The following MAF variants were observed in gnomAD, a reference collection of about 807,000 sequenced individuals.
MAF encodes the protein transcription factor Maf.
Under a neutral mutation model 22.0 loss-of-function variants are expected in MAF, and 10 were observed. The observed-to-expected ratio is 0.45, with a 90% CI of 0.28 to 0.77. The LOEUF (loss-of-function observed/expected upper bound fraction) is 0.77, where lower values mean the gene tolerates loss of function less well. Ranked by LOEUF, MAF falls within the 30% of genes least tolerant of loss-of-function variation. The probability of loss-of-function intolerance (pLI) is 0.12; values close to 1 mark genes in which losing one functional copy is unlikely to be tolerated. For synonymous variants in MAF, 337 were observed against 255.8 expected (o/e 1.32, Z -3.03); for missense variants, 544 against 548.4 (o/e 0.99, Z 0.08).
chr16:79,502,695 AAATATAAATATAAATATAT>A, the MAF span, among the ~76,000 whole-genome samples: 2 of 19,838 alleles, frequency 1.0e-4, 1 homozygote, highest in African/African-American at 3.3e-4. Context: ...ATATAAATAT[AAATATAAATATAAATATAT>A]ATATATATAT....
the MAF span, chr16:79,211,874 C>T: frequency 3.0e-5 from 47 of 1,590,902 alleles, no homozygotes; most frequent in Non-Finnish European, 3.9e-5. Flanking sequence ...TGGGCCCCTT[C>T]CAAATGTCCC....
At chr16:79,280,477 G>C in the MAF span, among the ~76,000 whole-genome samples, 228 of 152,316 alleles carry the variant, frequency 1.5e-3, 3 homozygotes, top group African/African-American at 5.4e-3. Context: ...CTGGGATTCT[G>C]CAACAAAACC....
At chr16:79,321,832 G>T in the MAF span, among the ~76,000 whole-genome samples, 2 of 151,714 alleles carry the variant, frequency 1.3e-5, no homozygotes, top group African/African-American at 4.8e-5. Context: ...TGGGATTACA[G>T]GTGTGAACCA....
At chr16:79,327,589 G>T in the MAF span, among the ~76,000 whole-genome samples, 2 of 152,154 alleles carry the variant, frequency 1.3e-5, no homozygotes, top group African/African-American at 4.8e-5. Context: ...ACCCAGGGTG[G>T]CCCAAAAGTA....
the MAF span, among the ~76,000 whole-genome samples, chr16:79,447,757 AAG>A: frequency 2.6e-5 from 4 of 152,016 alleles, no homozygotes; most frequent in Non-Finnish European, 2.9e-5. Context: ...TGGAATTAGC[AAG>A]AGAACTTGAA....
the MAF span, among the ~76,000 whole-genome samples, chr16:79,455,840 A>T: frequency 1.3e-5 from 2 of 152,148 alleles, 1 homozygote; most frequent in African/African-American, 4.8e-5. Context: ...CAACACGGTG[A>T]AACTCTGTCT....
the MAF span, among the ~76,000 whole-genome samples, chr16:79,456,595 T>C: frequency 1.3e-5 from 2 of 152,190 alleles, no homozygotes; most frequent in South Asian, 2.1e-4. Context: ...AAGGATGAGC[T>C]ACTAAGCTGG....
the MAF span, among the ~76,000 whole-genome samples, chr16:79,499,308 G>A: frequency 6.6e-6 from 1 of 152,146 alleles, no homozygotes; most frequent in Non-Finnish European, 1.5e-5. Flanking sequence ...GAAGGAGTAA[G>A]CACCATCTGG....
At chr16:79,315,080 TTTA>T in the MAF span, among the ~76,000 whole-genome samples, 302 of 152,346 alleles carry the variant, frequency 2.0e-3, 2 homozygotes, top group African/African-American at 6.4e-3. Context: ...CATTTATTCA[TTTA>T]TTATTATTCA....
At chr16:79,584,754 G>T (rs1038923187), downstream of MAF, among the ~76,000 whole-genome samples, 6 of 152,188 alleles carry the variant, frequency 3.9e-5, no homozygotes, top group Non-Finnish European at 5.9e-5. Flanking sequence ...TTAAAACTAT[G>T]TATGGGAGCT....
At chr16:79,282,868 C>G in the MAF span, among the ~76,000 whole-genome samples, 1 of 152,160 alleles carries the variant, frequency 6.6e-6, no homozygotes, top group South Asian at 2.1e-4. Context: ...GGGCTGTCAG[C>G]TAAACCCATT....
At chr16:79,487,583 C>T in the MAF span, among the ~76,000 whole-genome samples, 9 of 152,188 alleles carry the variant, frequency 5.9e-5, no homozygotes, top group Non-Finnish European at 1.2e-4. Context: ...GAAAAAGCCC[C>T]GTTGTCCGTT....
At chr16:79,210,110 C>CCAAGT in the MAF span, among the ~76,000 whole-genome samples, 2 of 152,182 alleles carry the variant, frequency 1.3e-5, no homozygotes, top group Non-Finnish European at 2.9e-5. Context: ...TTATCAAAAC[C>CCAAGT]CAAGTCTTTG....
the MAF span, among the ~76,000 whole-genome samples, chr16:79,414,324 A>C: frequency 2.3e-4 from 35 of 152,320 alleles, 1 homozygote; most frequent in South Asian, 7.3e-3. Flanking sequence ...GTGAGGCCTC[A>C]GGAAGATTTT....
chr16:79,417,600 A>G, the MAF span, among the ~76,000 whole-genome samples: 1 of 151,940 alleles, frequency 6.6e-6, no homozygotes, highest in African/African-American at 2.4e-5. Context: ...TGGGGCGAGC[A>G]GAGGTTTGGA....
At chr16:79,402,660 T>C in the MAF span, among the ~76,000 whole-genome samples, 1 of 152,170 alleles carries the variant, frequency 6.6e-6, no homozygotes, top group Admixed American at 6.5e-5. Flanking sequence ...AGGGGTGCGG[T>C]TGGATAAAGG....
At chr16:79,498,252 T>C in the MAF span, among the ~76,000 whole-genome samples, 231 of 152,338 alleles carry the variant, frequency 1.5e-3, 1 homozygote, top group Admixed American at 3.3e-3. Context: ...AAGGGCCACG[T>C]GGTCTCCATT....
Position 79,598,791 on chromosome 16 carries a change from A to T in MAF, c.1112T>A (p.Phe371Tyr). ...AATCGCGTGTCAGACTCACATGAAA[A>T]ACTCGGGAGAGGACGGGTTGTCGCT... The part of the protein sequence containing the change: ...SSSDNPSSPE[F>Y]FITEPTRKLE... Residue 371 changes from phenylalanine (F) to tyrosine (Y), a missense_variant, in exon 1 of 2, where the codon TTT becomes TAT. Coordinates refer to ENST00000326043, the MANE Select transcript of MAF (RefSeq NM_005360.5). 6.2e-7 allele frequency: 1 copy of T among 1,612,958 alleles called. No individual in the cohort carries two copies. Among genetic ancestry groups the T allele is most frequent in the East Asian group, 2.2e-5 (1 of 44,780 alleles).
chr16:79,487,536 C>T, the MAF span, among the ~76,000 whole-genome samples: 1 of 151,976 alleles, frequency 6.6e-6, no homozygotes, highest in Non-Finnish European at 1.5e-5. Flanking sequence ...GGGGGCAATC[C>T]TGAAATGGTT....
Sources: gnomAD v4.1 joint callset for allele counts (sites outside exome capture counted in the v4.1 genomes callset) on GRCh38, gnomAD v4.1.1 for gene constraint, MANE v1.5 for transcripts, NCBI Gene and HGNC (gene_info 2026-07-23, HGNC 2026-07-21) for gene names.